Variants in NRXN1 observed in about 807,000 individuals in gnomAD.
NRXN1 encodes the protein neurexin 1.
In NRXN1, 39 loss-of-function variants were observed where a neutral mutation model predicts 150.9. The ratio of observed to expected loss-of-function variants is 0.26; its 90% CI spans 0.20 to 0.34. The LOEUF (loss-of-function observed/expected upper bound fraction) is 0.34, where lower values mean the gene tolerates loss of function less well. NRXN1 is among the 10% of genes least tolerant of loss of function. The pLI is 1.00. For synonymous variants in NRXN1, 924 were observed against 757.0 expected, an observed-to-expected ratio of 1.22 and a Z score of -3.62; for missense variants, 1,815 against 1,949.9, an observed-to-expected ratio of 0.93 and a Z score of 1.30.
At chr2:50,829,612 T>C (rs1671100305) in intron 5 of NRXN1, 1 of 1,611,868 alleles carries the variant, frequency 6.2e-7, no homozygotes, top group Non-Finnish European at 8.5e-7. Context: ...CTTGAATATT[T>C]CACTTTACTA....
intron 17 of NRXN1, among the ~76,000 whole-genome samples, chr2:50,240,042 C>T (rs986616927): frequency 6.6e-6 from 1 of 151,538 alleles, no homozygotes; most frequent in Middle Eastern, 3.4e-3. Flanking sequence ...TTTACACTTT[C>T]AGTAAGATAA....
intron 18 of NRXN1, among the ~76,000 whole-genome samples, chr2:50,210,036 A>C (rs2152842825): frequency 6.6e-6 from 1 of 152,134 alleles, no homozygotes; most frequent in South Asian, 2.1e-4. Context: ...AACCAAAATT[A>C]TAATTACTTG....
chr2:50,606,929 A>G (rs1292400137), intron 8 of NRXN1, among the ~76,000 whole-genome samples: 1 of 152,102 alleles, frequency 6.6e-6, no homozygotes, highest in Admixed American at 6.6e-5. Context: ...CAAAGACAAA[A>G]AGAAAGAGTT....
At chr2:50,306,460 T>G (rs868832381) in intron 17 of NRXN1, among the ~76,000 whole-genome samples, 1 of 152,166 alleles carries the variant, frequency 6.6e-6, no homozygotes, top group East Asian at 1.9e-4. Flanking sequence ...TCAAAAATAA[T>G]TTTGTCATTC....
chr2:50,631,320 T>C (rs947051832), intron 5 of NRXN1: 18 of 291,548 alleles, frequency 6.2e-5, no homozygotes, highest in Non-Finnish European at 1.2e-4. Context: ...CAAGCTTCTA[T>C]CAAATAATTC....
At chr2:50,847,874 C>A (rs1673911720) in intron 5 of NRXN1, among the ~76,000 whole-genome samples, 4 of 152,092 alleles carry the variant, frequency 2.6e-5, no homozygotes, top group Admixed American at 2.6e-4. Context: ...CGGCCTGACT[C>A]CAGGGGAAAA....
At chr2:50,567,582 T>TATTACC (rs1558948474) in intron 8 of NRXN1, among the ~76,000 whole-genome samples, 3 of 114,080 alleles carry the variant, frequency 2.6e-5, no homozygotes, top group African/African-American at 1.2e-4. Context: ...ATATAGAATC[T>TATTACC]GATTTTTCCT....
chr2:50,207,864 C>T (rs1293610883), intron 18 of NRXN1, among the ~76,000 whole-genome samples: 2 of 152,116 alleles, frequency 1.3e-5, no homozygotes, highest in Admixed American at 1.3e-4. Context: ...CTATTCAGTA[C>T]CACAAGTTAG....
Position 50,231,353 on chromosome 2 carries a change from T to C in NRXN1, c.3546+5436A>G, listed in dbSNP as rs546163277. 5.3e-5 allele frequency among the ~76,000 whole-genome samples: 8 copies of C among 152,146 alleles called. No homozygotes were observed. In the South Asian group the frequency reaches 6.2e-4, roughly 12 times the overall value. ...CTTAATAGACCAGCAAGATAAATAA[T>C]GTATAATGGAGAGAAGCAGAGAAAG... On this transcript the variant is annotated intron_variant, in intron 18 of 22. Coordinates refer to ENST00000401669, the MANE Select transcript of NRXN1 (RefSeq NM_001330078.2).
At chr2:50,078,175 G>A (rs189826312) in intron 19 of NRXN1, among the ~76,000 whole-genome samples, 2,220 of 152,044 alleles carry the variant, frequency 0.015, 26 homozygotes, top group South Asian at 0.027. Flanking sequence ...TGGATTGTTA[G>A]AAAAATTAGG....
intron 17 of NRXN1, among the ~76,000 whole-genome samples, chr2:50,318,672 AACT>A (rs996182767): frequency 2.6e-5 from 4 of 152,180 alleles, no homozygotes; most frequent in South Asian, 2.1e-4. Context: ...GAAGGAATAA[AACT>A]ACTATTATTC....
At position 50,600,798 on chromosome 2, in the gene NRXN1, A is replaced by G. The variant is rs1414025384; in HGVS notation, c.1320+19224T>C. 2.6e-5 allele frequency among the ~76,000 whole-genome samples: 4 copies of G among 152,348 alleles called. No individual in the cohort carries two copies. In the East Asian group the frequency reaches 7.7e-4, roughly 29 times the overall value. ...TTAGATGATGACAGACAAGAAAGTC[A>G]AGGTTAATTTGAGATATGCTGGTAG... On this transcript the variant is annotated intron_variant, in intron 8 of 22. Transcript: ENST00000401669.
intron 17 of NRXN1, among the ~76,000 whole-genome samples, chr2:50,421,425 G>C (rs1291565441): frequency 6.6e-6 from 1 of 152,048 alleles, no homozygotes; most frequent in Non-Finnish European, 1.5e-5. Context: ...ATTAAGCAAA[G>C]AATACATCTT....
intron 5 of NRXN1, among the ~76,000 whole-genome samples, chr2:50,787,754 G>T (rs1705340010): frequency 6.6e-6 from 1 of 150,620 alleles, no homozygotes; most frequent in African/African-American, 2.4e-5. Context: ...ACCCTGAAAA[G>T]ACCAGGAACC....
intron 5 of NRXN1, among the ~76,000 whole-genome samples, chr2:50,892,481 C>T (rs1411812166): frequency 2.0e-5 from 3 of 152,112 alleles, no homozygotes; most frequent in Non-Finnish European, 2.9e-5. Flanking sequence ...ATAATATACA[C>T]TGGTGTAGTA....
chr2:49,943,817 T>G (rs1274847346), intron 21 of NRXN1, 26 bp from the exon 22 acceptor site: 1 of 1,526,544 alleles, frequency 6.6e-7, no homozygotes, highest in Admixed American at 1.7e-5. Context: ...ATTCAGTAGA[T>G]TAATTTAAAG....
At chr2:50,873,589 G>A (rs1678120003) in intron 5 of NRXN1, among the ~76,000 whole-genome samples, 1 of 151,748 alleles carries the variant, frequency 6.6e-6, no homozygotes, top group Non-Finnish European at 1.5e-5. Flanking sequence ...TTTATGCTCT[G>A]AATTAACCAT....
In NRXN1 at chr2:50,895,864, G is replaced by A. The variant is rs964712090; in HGVS notation, c.832+26005C>T. Among the ~76,000 whole-genome samples the A allele has an allele frequency of 2.0e-5, 3 of 152,102 alleles. No homozygotes were observed. In the South Asian group the frequency reaches 6.2e-4, roughly 32 times the overall value. Reference sequence around the variant, plus strand: ...CAAAGTGCTGGGATTACAGGCATGAGACACCGTGCCTGGCCTATGCAAGAA... The same window carrying A: ...CAAAGTGCTGGGATTACAGGCATGAAACACCGTGCCTGGCCTATGCAAGAA... On this transcript the variant is annotated intron_variant, in intron 5 of 22. Coordinates refer to ENST00000401669, the MANE Select transcript of NRXN1 (RefSeq NM_001330078.2).
intron 5 of NRXN1, among the ~76,000 whole-genome samples, chr2:50,875,820 A>G (rs1559380734): frequency 1.3e-5 from 2 of 151,804 alleles, no homozygotes; most frequent in Admixed American, 1.3e-4. Context: ...TTCTAGCTCA[A>G]TCAATTCTGA....
Sources: allele counts gnomAD v4.1 joint callset (sites outside exome capture counted in the v4.1 genomes callset), GRCh38; gene constraint gnomAD v4.1.1; transcripts MANE v1.5; gene names NCBI Gene and HGNC (gene_info 2026-07-23, HGNC 2026-07-21).